Variants in UROC1 observed in about 807,000 individuals in gnomAD.
The protein encoded by UROC1 is urocanate hydratase 1.
A neutral mutation model predicts 89.5 loss-of-function variants in UROC1; 79 were observed. The ratio of observed to expected loss-of-function variants is 0.88; its 90% CI spans 0.74 to 1.06. The LOEUF (loss-of-function observed/expected upper bound fraction) is 1.06, where lower values mean the gene tolerates loss of function less well. UROC1 is among the 50% of genes least tolerant of loss of function. The pLI is 0.00. For synonymous variants in UROC1, 361 were observed against 354.8 expected (o/e 1.02, Z -0.20); for missense variants, 885 against 907.8 (o/e 0.97, Z 0.32).
intron 14 of UROC1, 114 bp downstream of exon 14, chr3:126,497,937 C>T: frequency 6.3e-7 from 1 of 1,585,978 alleles, no homozygotes; most frequent in South Asian, 1.1e-5. Context: ...GTCATCTGCG[C>T]CCAGGTTCCC....
At position 126,500,100 on chromosome 3, in the gene UROC1, G is replaced by T; in HGVS notation, c.1200C>A (p.Phe400Leu). Residue 400 changes from phenylalanine to leucine, a missense_variant, in exon 12 of 20, where the codon TTC becomes TTA. Transcript: ENST00000290868. Reference sequence around the variant, plus strand: ...AGAGGAAGGCATTGCCGTAGTCCCAGAAGAAGAACTTCTCCTCGGCCAACC... The same window carrying T: ...AGAGGAAGGCATTGCCGTAGTCCCATAAGAAGAACTTCTCCTCGGCCAACC... ...INRLAEEKFF[F>L]WDYGNAFLLE... The T allele has an allele frequency of 6.2e-7, 1 of 1,613,862 alleles. No homozygotes were observed. Among genetic ancestry groups the T allele is most frequent in the Non-Finnish European group, 8.5e-7 (1 of 1,180,016 alleles).
At position 126,488,147 on chromosome 3, in the gene UROC1, C is replaced by A. The variant is rs190455422; in HGVS notation, c.1790+51G>T. ...TCAGCCTGGCCCTGCCCCAAAGGAA[C>A]CCCCAAAACTTCCACATCAGCCCAC... is the stretch of plus-strand genomic sequence containing the variant. On this transcript the variant is annotated intron_variant, in intron 18 of 19. Transcript: ENST00000290868. The A allele has an allele frequency of 5.7e-5, 91 of 1,604,016 alleles. No homozygotes were observed. In the East Asian group the frequency reaches 1.9e-3, roughly 34 times the overall value.
chr3:126,484,452 C>T (rs1391746012), intron 18 of UROC1, among the ~76,000 whole-genome samples: 2 of 152,230 alleles, frequency 1.3e-5, no homozygotes, highest in African/African-American at 4.8e-5. Flanking sequence ...TCCCTCCTGC[C>T]TCTTATTCCT....
Position 126,482,416 on chromosome 3 carries a change from T to C in UROC1, c.1960A>G (p.Ser654Gly). 1 of 1,614,044 alleles carries C rather than the reference T, an allele frequency of 6.2e-7. No individual in the cohort carries two copies. The highest frequency in any genetic ancestry group is 1.6e-4 in the Middle Eastern group (1 of 6,062). The change falls in exon 20 of 20, where the codon AGC becomes GGC. Residue 654 changes from serine (S) to glycine (G), a missense_variant. Physicochemically the swap from Ser to Gly is moderately conservative, Grantham distance 56 (BLOSUM62 0). Transcript: ENST00000290868. Reference protein sequence around the residue: ...EIICQTMQENSTLVVTLPHKV... With the variant: ...EIICQTMQENGTLVVTLPHKV... The stretch of plus-strand genomic sequence containing the variant: ...TGAGGCAGTGTCACCACCAAGGTGC[T>C]GTTCTCCTGCATGGTCTGGCAGATG...
chr3:126,509,362 T>C (rs1185209122), intron 3 of UROC1, among the ~76,000 whole-genome samples: 1 of 152,186 alleles, frequency 6.6e-6, no homozygotes, highest in Non-Finnish European at 1.5e-5. Flanking sequence ...TGGACGTGTG[T>C]CCACTGCAGC....
rs1355888126 is a variant in UROC1 at position 126,508,400 on chromosome 3, A to T, written c.411+16T>A. ...AAAGGCCAGGGGTGGGGACGAGGCCACACGGTGTGCAGTACCTGAGCCCAG... is the reference window on the plus strand; with the variant it reads ...AAAGGCCAGGGGTGGGGACGAGGCCTCACGGTGTGCAGTACCTGAGCCCAG... On this transcript the variant is annotated intron_variant, in intron 4 of 19. Coordinates refer to ENST00000290868, the MANE Select transcript of UROC1 (RefSeq NM_144639.3). 1 of 1,613,344 alleles carries T rather than the reference A, an allele frequency of 6.2e-7. No individual in the cohort carries two copies. Among genetic ancestry groups the T allele is most frequent in the East Asian group, 2.2e-5 (1 of 44,868 alleles).
At chr3:126,490,516 C>T (rs1392236526) in intron 16 of UROC1, among the ~76,000 whole-genome samples, 1 of 152,160 alleles carries the variant, frequency 6.6e-6, no homozygotes, top group Non-Finnish European at 1.5e-5. Context: ...CAAAACCCGT[C>T]TCCACTAAAA....
chr3:126,502,128 G>T (rs552302553), intron 9 of UROC1, among the ~76,000 whole-genome samples: 6 of 152,192 alleles, frequency 3.9e-5, no homozygotes, highest in Admixed American at 3.9e-4. Context: ...GTATATATGC[G>T]TGTATATGCA....
rs937296423 is a variant in UROC1, at chr3:126,509,775, C to T, written c.258-97G>A. 3 of 1,144,750 alleles carry T rather than the reference C, an allele frequency of 2.6e-6. No individual in the cohort carries two copies. In the Admixed American group the frequency reaches 5.9e-5, roughly 23 times the overall value. The allele number at this position is 1,144,750 out of a possible 1,614,324, so 70.9% of individuals were successfully genotyped here. A position where few individuals can be genotyped will look rare whatever the true frequency, so the allele number is the denominator to read the frequency against. ...CCCCTGGCCGCTCAGGCAAGGATAGCCGGACACGGGGCCTGCAGAACTAGC... is the reference window on the plus strand; with the variant it reads ...CCCCTGGCCGCTCAGGCAAGGATAGTCGGACACGGGGCCTGCAGAACTAGC... On this transcript the variant is annotated intron_variant, in intron 2 of 19. Coordinates refer to ENST00000290868, the MANE Select transcript of UROC1 (RefSeq NM_144639.3).
chr3:126,500,891 G>A lies in UROC1; in HGVS notation c.966-17C>T. On this transcript the variant is annotated splice_polypyrimidine_tract_variant and intron_variant, in intron 10 of 19. Transcript: ENST00000290868. The stretch of plus-strand genomic sequence containing the variant: ...AGGCGCTCCCTGGGGAAGCCATGCG[G>A]TGGTCAGTGCAAGCCACACACAGCC... 6.2e-7 allele frequency: 1 copy of A among 1,612,960 alleles called. No homozygotes were observed. The highest frequency in any genetic ancestry group is 8.5e-7 in the Non-Finnish European group (1 of 1,179,838).
chr3:126,504,220 C>T, intron 8 of UROC1, 137 bp from the exon 9 acceptor site: 1 of 819,750 alleles, frequency 1.2e-6, no homozygotes, highest in South Asian at 1.5e-5. Flanking sequence ...TCAGGGAAGA[C>T]ACCATGAGCT....
intron 1 of UROC1, among the ~76,000 whole-genome samples, chr3:126,515,061 A>T (rs1172891836): frequency 6.6e-6 from 1 of 152,034 alleles, no homozygotes; most frequent in Non-Finnish European, 1.5e-5. Flanking sequence ...GTGTCCTGAC[A>T]TTCAAGCAAA....
Position 126,482,329 on chromosome 3 carries a change from G to A in UROC1, c.*16C>T, listed in dbSNP as rs565080203. The stretch of plus-strand genomic sequence containing the variant: ...CCAGGGAGGAAGGGAGGCAGGGGCC[G>A]CGACTCCTGGCTCCCTCAGAGCTGC... On this transcript the variant is annotated 3_prime_UTR_variant, in exon 20 of 20. Transcript: ENST00000290868. The A allele has an allele frequency of 4.2e-5, 67 of 1,610,616 alleles. No homozygotes were observed. In the African/African-American group the frequency reaches 6.0e-4, roughly 14 times the overall value.
intron 9 of UROC1, 39 bp from the exon 10 acceptor site, chr3:126,501,319 C>A (rs746478921): frequency 8.7e-6 from 14 of 1,613,134 alleles, no homozygotes; most frequent in Admixed American, 1.7e-5. Context: ...CCCCCTGCAC[C>A]TGTGCATAGG....
In UROC1 at chr3:126,502,858, TTG is replaced by T. The variant is rs796343957; in HGVS notation, c.902+1135_902+1136del. On this transcript the variant is annotated intron_variant, in intron 9 of 19. Transcript: ENST00000290868. ...TGTGTTCATGTGTGTTACATGTGTG[TTG>T]TGTGTTTGTGTGTGCAAGCTTGTGT... 1.0e-3 allele frequency among the ~76,000 whole-genome samples: 153 copies of T among 151,640 alleles called. 2 individuals are homozygous for T. The highest frequency in any genetic ancestry group is 3.4e-3 in the Middle Eastern group (1 of 290).
At chr3:126,505,396 G>A (rs373530081) in intron 8 of UROC1, among the ~76,000 whole-genome samples, 2 of 152,238 alleles carry the variant, frequency 1.3e-5, no homozygotes, top group African/African-American at 4.8e-5. Flanking sequence ...GGGATGTGGT[G>A]GGATACAGGA....
chr3:126,517,364 C>T (rs1238692304), intron 1 of UROC1, among the ~76,000 whole-genome samples: 1 of 152,204 alleles, frequency 6.6e-6, no homozygotes, highest in African/African-American at 2.4e-5. Context: ...TGACCTTGAG[C>T]CTCAGGGTCC....
At chr3:126,487,878 A>G (rs913367118) in intron 18 of UROC1, among the ~76,000 whole-genome samples, 2 of 152,212 alleles carry the variant, frequency 1.3e-5, no homozygotes, top group African/African-American at 4.8e-5. Context: ...ACACATGGAA[A>G]CTGACATGCT....
chr3:126,508,196 A>C, intron 4 of UROC1, 101 bp from the exon 5 acceptor site: 1 of 1,604,504 alleles, frequency 6.2e-7, no homozygotes, highest in Non-Finnish European at 8.5e-7. Context: ...ACAGGCCCCC[A>C]GGTCTCCATT....
Sources: allele counts gnomAD v4.1 joint callset (sites outside exome capture counted in the v4.1 genomes callset), GRCh38; gene constraint gnomAD v4.1.1; transcripts MANE v1.5; gene names NCBI Gene and HGNC (gene_info 2026-07-23, HGNC 2026-07-21).